The following HDHD2 variants were observed in gnomAD, a reference collection of about 807,000 sequenced individuals.
The protein encoded by HDHD2 is haloacid dehalogenase-like hydrolase domain-containing protein 2.
A neutral mutation model predicts 24.8 loss-of-function variants in HDHD2; 26 were observed. The observed-to-expected ratio is 1.05, with a 90% CI of 0.77 to 1.45. The LOEUF is 1.45. Ranked by LOEUF, HDHD2 falls within the 40% of genes most tolerant of loss-of-function variation. HDHD2 has a pLI of 0.00. For missense variants in HDHD2, 299 were observed against 313.4 expected (o/e 0.95, Z 0.35); for synonymous variants, 128 against 114.9 (o/e 1.11, Z -0.73).
intron 5 of HDHD2, among the ~76,000 whole-genome samples, chr18:47,114,640 C>G (rs1048103471): frequency 6.6e-6 from 1 of 152,072 alleles, no homozygotes; most frequent in African/African-American, 2.4e-5. Flanking sequence ...CCCTGCCACT[C>G]AAAGGGCTAA....
chr18:47,117,931 A>G (rs1433482646), intron 4 of HDHD2, among the ~76,000 whole-genome samples: 1 of 152,042 alleles, frequency 6.6e-6, no homozygotes, highest in Non-Finnish European at 1.5e-5. Context: ...TTGGAAGAAT[A>G]CTAGATTGGT....
intron 1 of HDHD2, among the ~76,000 whole-genome samples, chr18:47,147,337 T>C (rs1163166971): frequency 6.6e-6 from 1 of 152,198 alleles, no homozygotes; most frequent in African/African-American, 2.4e-5. Flanking sequence ...CTGATCTTTA[T>C]TGTGACCTTG....
chr18:47,116,023 C>A (rs188107254), intron 4 of HDHD2, among the ~76,000 whole-genome samples: 3 of 152,192 alleles, frequency 2.0e-5, no homozygotes, highest in Admixed American at 2.0e-4. Flanking sequence ...TCACATCAGA[C>A]AAAAGGACAT....
chr18:47,114,683 CAGAT>C (rs1399996066), intron 5 of HDHD2, among the ~76,000 whole-genome samples: 1 of 152,018 alleles, frequency 6.6e-6, no homozygotes, highest in African/African-American at 2.4e-5. Flanking sequence ...TTGTGGCACA[CAGAT>C]AGAGAAGTTC....
intron 1 of HDHD2, among the ~76,000 whole-genome samples, chr18:47,143,004 T>G (rs2063833976): frequency 6.6e-6 from 1 of 152,190 alleles, no homozygotes; most frequent in Non-Finnish European, 1.5e-5. Context: ...CACACAAATA[T>G]TAAATAGATC....
At chr18:47,149,031 G>A (rs1313655831) in intron 1 of HDHD2, 4 of 152,192 alleles carry the variant, frequency 2.6e-5, no homozygotes, top group Non-Finnish European at 4.4e-5. Flanking sequence ...TTGATAAGAG[G>A]ATTAAAGAAA....
chr18:47,109,049 C>A (rs1269351994), intron 6 of HDHD2: 2 of 428,662 alleles, frequency 4.7e-6, no homozygotes, highest in East Asian at 8.9e-5. Flanking sequence ...AGCTAAGATT[C>A]CCTTCACATG....
chr18:47,150,194 C>CTG (rs1167495007), intron 1 of HDHD2, 184 bp downstream of exon 1: 1 of 152,312 alleles, frequency 6.6e-6, no homozygotes, highest in Non-Finnish European at 1.5e-5. Context: ...CGCGGGGCCA[C>CTG]TGCAAAGAGG....
chr18:47,125,958 C>T (rs2063654894), intron 4 of HDHD2, among the ~76,000 whole-genome samples: 2 of 152,160 alleles, frequency 1.3e-5, no homozygotes, highest in Non-Finnish European at 2.9e-5. Flanking sequence ...GTAGCAGGAG[C>T]TGCCTGCTAA....
intron 4 of HDHD2, among the ~76,000 whole-genome samples, chr18:47,126,296 AC>A (rs967081748): frequency 1.3e-5 from 2 of 152,222 alleles, no homozygotes; most frequent in Admixed American, 6.5e-5. Context: ...GAGTTAGCGT[AC>A]AAATGCAGTA....
At chr18:47,114,368 T>C (rs1051191563) in intron 5 of HDHD2, among the ~76,000 whole-genome samples, 2 of 152,342 alleles carry the variant, frequency 1.3e-5, no homozygotes, top group East Asian at 1.9e-4. Flanking sequence ...GATTCACCTC[T>C]TTGGGCTTCA....
intron 2 of HDHD2, among the ~76,000 whole-genome samples, chr18:47,135,487 C>T: frequency 6.6e-6 from 1 of 152,010 alleles, no homozygotes; most frequent in Non-Finnish European, 1.5e-5. Flanking sequence ...TCTCGAACTC[C>T]CGACCTCAGG....
At chr18:47,120,250 T>TCTA (rs1205632034) in intron 4 of HDHD2, among the ~76,000 whole-genome samples, 2 of 152,220 alleles carry the variant, frequency 1.3e-5, no homozygotes, top group Non-Finnish European at 2.9e-5. Flanking sequence ...AAATCTGTTG[T>TCTA]TTAGTGTAGA....
At chr18:47,116,746 C>T (rs1309299991) in intron 4 of HDHD2, among the ~76,000 whole-genome samples, 1 of 152,200 alleles carries the variant, frequency 6.6e-6, no homozygotes, top group Non-Finnish European at 1.5e-5. Context: ...ACCCCACCCC[C>T]AAGCCCACTT....
Position 47,107,584 on chromosome 18 carries a change from T to C in HDHD2, c.*1098A>G, listed in dbSNP as rs1026756712. 3.9e-5 allele frequency: 6 copies of C among 152,552 alleles called. No homozygotes were observed. The highest frequency in any genetic ancestry group is 9.7e-5 in the African/African-American group (4 of 41,446). 9.4% of individuals were successfully genotyped at this position (152,552 alleles called of 1,614,324 possible). Reference sequence around the variant, plus strand: ...AATGCCCAAGAGCCCTGTAGAACTATTGCAAGGCCCAGGATTATCACAGTA... The same window carrying C: ...AATGCCCAAGAGCCCTGTAGAACTACTGCAAGGCCCAGGATTATCACAGTA... On this transcript the variant is annotated 3_prime_UTR_variant, in exon 7 of 7. Coordinates refer to ENST00000300605, the MANE Select transcript of HDHD2 (RefSeq NM_032124.5).
chr18:47,140,265 T>C (rs1371763509), intron 1 of HDHD2, among the ~76,000 whole-genome samples: 1 of 152,336 alleles, frequency 6.6e-6, no homozygotes, highest in East Asian at 1.9e-4. Context: ...ACATTTAATC[T>C]ACAGAGCAAT....
At position 47,115,361 on chromosome 18, in the gene HDHD2, A is replaced by C. The variant is rs762915621; in HGVS notation, c.396-13T>G. 6.3e-7 allele frequency: 1 copy of C among 1,597,596 alleles called. No individual in the cohort carries two copies. Among genetic ancestry groups the C allele is most frequent in the Admixed American group, 1.7e-5 (1 of 57,980 alleles). On this transcript the variant is annotated splice_polypyrimidine_tract_variant and intron_variant, in intron 4 of 6. Coordinates refer to ENST00000300605, the MANE Select transcript of HDHD2 (RefSeq NM_032124.5). ...ATCCAGGAGTAACCTAGAGAGAACA[A>C]CAACAAAAAAAACAAATTGGCTAAA...
intron 3 of HDHD2, among the ~76,000 whole-genome samples, chr18:47,132,636 T>C (rs2144346545): frequency 6.6e-6 from 1 of 152,334 alleles, no homozygotes; most frequent in South Asian, 2.1e-4. Context: ...TACATTGGCA[T>C]ATTTCCTATT....
rs560006900 is a variant in HDHD2 at position 47,142,580 on chromosome 18, T to C, written c.-10-6131A>G. Among the ~76,000 whole-genome samples, 149 of 152,262 alleles carry C rather than the reference T, an allele frequency of 9.8e-4. 1 individual carries two copies. The highest frequency in any genetic ancestry group is 3.4e-3 in the African/African-American group (143 of 41,542). On this transcript the variant is annotated intron_variant, in intron 1 of 6. Coordinates refer to ENST00000300605, the MANE Select transcript of HDHD2 (RefSeq NM_032124.5). ...TACGTTCTCATAAAGAAAAAACTTG[T>C]ATATGCTTCTATTTAGAAGTGTGAG...
Sources: allele counts gnomAD v4.1 joint callset (sites outside exome capture counted in the v4.1 genomes callset), GRCh38; gene constraint gnomAD v4.1.1; transcripts MANE v1.5; gene names NCBI Gene and HGNC (gene_info 2026-07-23, HGNC 2026-07-21).